The following LTBP1 variants were observed in gnomAD, a reference collection of about 807,000 sequenced individuals.
LTBP1 encodes latent-transforming growth factor beta-binding protein 1.
LTBP1 carries 129 observed loss-of-function variants against 207.6 expected under a neutral mutation model. That is an observed-to-expected ratio of 0.62 (90% CI 0.54 to 0.72). The LOEUF is 0.72. Ranked by LOEUF, LTBP1 falls within the 30% of genes least tolerant of loss-of-function variation. The pLI is 0.00. For synonymous variants in LTBP1, 963 were observed against 833.7 expected, an observed-to-expected ratio of 1.16 and a Z score of -2.67; for missense variants, 2,281 against 2,217.2, an observed-to-expected ratio of 1.03 and a Z score of -0.58.
chr2:33,217,349 AT>A, intron 7 of LTBP1, among the ~76,000 whole-genome samples: 1 of 152,352 alleles, frequency 6.6e-6, no homozygotes, highest in Middle Eastern at 3.4e-3. Flanking sequence ...AGGTGCTCCC[AT>A]TTGGAAATGT....
At chr2:33,250,684 C>T (rs1179228972) in intron 10 of LTBP1, among the ~76,000 whole-genome samples, 2 of 152,192 alleles carry the variant, frequency 1.3e-5, no homozygotes, top group Non-Finnish European at 2.9e-5. Flanking sequence ...CTAGAGACCT[C>T]GTGATGGAAT....
chr2:33,058,594 G>A (rs62133281), intron 3 of LTBP1, among the ~76,000 whole-genome samples: 10,718 of 152,204 alleles, frequency 0.07, 430 homozygotes, highest in Middle Eastern at 0.092. Flanking sequence ...TATGCAAGAA[G>A]ATCAAGATAA....
At chr2:33,033,153 T>C (rs1016782397) in intron 3 of LTBP1, among the ~76,000 whole-genome samples, 4 of 152,210 alleles carry the variant, frequency 2.6e-5, no homozygotes, top group African/African-American at 9.6e-5. Context: ...CCAAACTAAA[T>C]AGTCTTTAGT....
intron 7 of LTBP1, among the ~76,000 whole-genome samples, chr2:33,189,201 T>G (rs2087559832): frequency 6.6e-6 from 1 of 151,936 alleles, no homozygotes; most frequent in Non-Finnish European, 1.5e-5. Context: ...ATTGATTGAT[T>G]GATTGATTGA....
At chr2:33,375,715 T>C (rs979092518) in intron 31 of LTBP1, among the ~76,000 whole-genome samples, 73 of 150,290 alleles carry the variant, frequency 4.9e-4, no homozygotes, top group African/African-American at 1.5e-3. Context: ...TTTTTTTTTT[T>C]TTTTTTTTAG....
chr2:33,311,391 C>T (rs999570446), intron 23 of LTBP1, among the ~76,000 whole-genome samples: 1 of 151,848 alleles, frequency 6.6e-6, no homozygotes, highest in Non-Finnish European at 1.5e-5. Flanking sequence ...TCAATTTTTT[C>T]CAATGCAGAA....
intron 3 of LTBP1, among the ~76,000 whole-genome samples, chr2:33,063,580 C>T (rs1274826034): frequency 6.6e-6 from 1 of 151,726 alleles, no homozygotes; most frequent in Non-Finnish European, 1.5e-5. Context: ...ATTTTAAATT[C>T]CTTCTCTGGT....
chr2:33,344,139 T>A (rs1573938507), intron 25 of LTBP1, among the ~76,000 whole-genome samples: 1 of 152,258 alleles, frequency 6.6e-6, no homozygotes, highest in Non-Finnish European at 1.5e-5. Context: ...ATTATGAAAT[T>A]CAGTTAATTC....
At chr2:33,097,189 CTCTAAACTTTTAAA>C (rs2079446370) in intron 3 of LTBP1, among the ~76,000 whole-genome samples, 1 of 152,134 alleles carries the variant, frequency 6.6e-6, no homozygotes, top group South Asian at 2.1e-4. Flanking sequence ...CCACCGTGGT[CTCTAAACTTTTAAA>C]TTGTGTATGT....
Position 32,949,099 on chromosome 2 carries a change from C to CTGGT in LTBP1, c.565+157_565+158insTTGG, listed in dbSNP as rs531735967. Reference sequence around the variant, plus strand: ...AGGCTTCATTACCACCTAGGAAGGGCTGGGTCAGGGTAATGTTAGTATCAA... The same window carrying CTGGT: ...AGGCTTCATTACCACCTAGGAAGGGCTGGTTGGGTCAGGGTAATGTTAGTATCAA... On this transcript the variant is annotated intron_variant, in intron 2 of 33. Transcript: ENST00000404816. 2.6e-5 allele frequency among the ~76,000 whole-genome samples: 4 copies of CTGGT among 152,160 alleles called. No individual in the cohort carries two copies. In the South Asian group the frequency reaches 8.3e-4, roughly 32 times the overall value.
intron 23 of LTBP1, among the ~76,000 whole-genome samples, chr2:33,311,257 T>C (rs1445202688): frequency 6.6e-6 from 1 of 152,170 alleles, no homozygotes; most frequent in Non-Finnish European, 1.5e-5. Context: ...GATTTAAATA[T>C]ACACCTTCCT....
chr2:33,139,391 G>A (rs1436395026), intron 5 of LTBP1, among the ~76,000 whole-genome samples: 1 of 152,128 alleles, frequency 6.6e-6, no homozygotes, highest in Admixed American at 6.5e-5. Context: ...TCTAAGATAA[G>A]CAAATCATAA....
intron 31 of LTBP1, among the ~76,000 whole-genome samples, chr2:33,376,103 A>G (rs2095136876): frequency 2.6e-5 from 4 of 152,200 alleles, no homozygotes; most frequent in African/African-American, 9.7e-5. Context: ...CCTAATAAGC[A>G]TTTCCTCATA....
chr2:33,347,075 G>A lies in LTBP1; in HGVS notation c.3857-292G>A, dbSNP rs188476621. Among the ~76,000 whole-genome samples, 392 of 131,272 alleles carry A rather than the reference G, an allele frequency of 3.0e-3. 2 individuals carry two copies. The highest frequency in any genetic ancestry group is 0.011 in the Middle Eastern group (2 of 178). 86.1% of individuals were successfully genotyped at this position (131,272 alleles called of 152,430 possible). A position where few individuals can be genotyped will look rare whatever the true frequency, so the allele number is the denominator to read the frequency against. On this transcript the variant is annotated intron_variant, in intron 25 of 33. Transcript: ENST00000404816. The stretch of plus-strand genomic sequence containing the variant: ...AGAGCTTGCAGTGAGCCGAGATCGC[G>A]CCTCTGCACTCCAGCCTGGGCGACA...
chr2:33,363,012 A>G (rs189329031), intron 28 of LTBP1, among the ~76,000 whole-genome samples: 99 of 152,332 alleles, frequency 6.5e-4, no homozygotes, highest in African/African-American at 2.3e-3. Context: ...CTACATCTCA[A>G]CTAGTGAATG....
At chr2:33,373,151 T>C (rs1049165763) in intron 31 of LTBP1, among the ~76,000 whole-genome samples, 1 of 152,178 alleles carries the variant, frequency 6.6e-6, no homozygotes, top group African/African-American at 2.4e-5. Flanking sequence ...ATGCCACCTA[T>C]TGGCGATGTA....
At chr2:33,304,847 G>A (rs1274736985) in intron 22 of LTBP1, among the ~76,000 whole-genome samples, 2 of 152,208 alleles carry the variant, frequency 1.3e-5, no homozygotes, top group Non-Finnish European at 2.9e-5. Flanking sequence ...GTGGAAAGGT[G>A]GGATAGTATT....
chr2:33,209,742 C>T (rs559727391), intron 7 of LTBP1, among the ~76,000 whole-genome samples: 11 of 152,272 alleles, frequency 7.2e-5, no homozygotes, highest in Admixed American at 7.2e-4. Flanking sequence ...CGAATAACTA[C>T]TAGATTAATT....
At chr2:33,094,103 G>A (rs2079256021) in intron 3 of LTBP1, among the ~76,000 whole-genome samples, 1 of 152,086 alleles carries the variant, frequency 6.6e-6, no homozygotes, top group Non-Finnish European at 1.5e-5. Context: ...AGCTTTTAGA[G>A]TTTTTCATAT....
Sources: gnomAD v4.1 joint callset for allele counts (sites outside exome capture counted in the v4.1 genomes callset) on GRCh38, gnomAD v4.1.1 for gene constraint, MANE v1.5 for transcripts, NCBI Gene and HGNC (gene_info 2026-07-23, HGNC 2026-07-21) for gene names.